The following AFF4 variants were observed in gnomAD, a reference collection of about 807,000 sequenced individuals.
AFF4 encodes the protein AF4/FMR2 family member 4.
AFF4 carries 13 observed loss-of-function variants against 124.8 expected under a neutral mutation model. That is an observed-to-expected ratio of 0.10 (90% CI 0.07 to 0.17). The LOEUF is 0.17. AFF4 is among the 10% of genes least tolerant of loss of function. The pLI is 1.00. For synonymous variants in AFF4, 477 were observed against 496.1 expected, an observed-to-expected ratio of 0.96 and a Z score of 0.51; for missense variants, 1,092 against 1,403.8, an observed-to-expected ratio of 0.78 and a Z score of 3.55.
Position 132,885,101 on chromosome 5 carries a change from G to T in AFF4, c.3118C>A (p.Gln1040Lys). ...CTTCCCAAGCCAGGCGATGGTGCTT[G>T]AGAATTATTATAAGAATTCTGTGGA... ...EHLKNSYNNS[Q>K]APSPGLGSKA... The change falls in exon 19 of 21, where the codon CAA becomes AAA. Residue 1040 changes from glutamine (Q) to lysine (K), a missense_variant. By Grantham distance (53) the Gln-to-Lys change is moderately conservative. Coordinates refer to ENST00000265343, the MANE Select transcript of AFF4 (RefSeq NM_014423.4). 6.3e-7 allele frequency: 1 copy of T among 1,596,002 alleles called. No individual in the cohort carries two copies. The highest frequency in any genetic ancestry group is 8.5e-7 in the Non-Finnish European group (1 of 1,172,316).
At chr5:132,942,006 CAAAA>C (rs781367169) in intron 1 of AFF4, among the ~76,000 whole-genome samples, 2 of 100,732 alleles carry the variant, frequency 2.0e-5, no homozygotes, top group Non-Finnish European at 2.1e-5. Context: ...GACTCCATCT[CAAAA>C]AAAAAAAAAA....
chr5:132,928,216 T>TAA (rs749306713), intron 4 of AFF4, among the ~76,000 whole-genome samples: 1 of 147,030 alleles, frequency 6.8e-6, no homozygotes. Flanking sequence ...TTTATATATT[T>TAA]AAAAAAAAAC....
intron 5 of AFF4, among the ~76,000 whole-genome samples, chr5:132,909,416 T>C (rs1361323645): frequency 6.6e-6 from 1 of 152,354 alleles, no homozygotes; most frequent in East Asian, 1.9e-4. Context: ...GTGCTGGGAT[T>C]ACAGGCATGA....
At chr5:132,932,255 TA>T in intron 3 of AFF4, 33 bp from the exon 4 acceptor site, 1 of 1,578,020 alleles carries the variant, frequency 6.3e-7, no homozygotes, top group South Asian at 1.2e-5. Flanking sequence ...ATTAGATTTT[TA>T]TCAGTAGATT....
At chr5:132,935,910 A>G (rs560110273) in intron 2 of AFF4, among the ~76,000 whole-genome samples, 1 of 151,956 alleles carries the variant, frequency 6.6e-6, no homozygotes, top group East Asian at 1.9e-4. Context: ...ACGAAAGAAC[A>G]AGATTCCTTC....
At chr5:132,959,801 G>A (rs1456682937) in intron 1 of AFF4, among the ~76,000 whole-genome samples, 1 of 111,768 alleles carries the variant, frequency 8.9e-6, no homozygotes, top group Non-Finnish European at 1.6e-5. Flanking sequence ...GTCTCGCTCT[G>A]TTGCCCAGGC....
At chr5:132,959,990 C>G (rs1478045751) in intron 1 of AFF4, among the ~76,000 whole-genome samples, 1 of 151,968 alleles carries the variant, frequency 6.6e-6, no homozygotes, top group Non-Finnish European at 1.5e-5. Flanking sequence ...CTCCTGACCT[C>G]GTGATCCGCC....
In AFF4 at chr5:132,875,767, T is replaced by C. The variant is rs958439213; in HGVS notation, c.*5292A>G. On this transcript the variant is annotated 3_prime_UTR_variant, in exon 21 of 21. Coordinates refer to ENST00000265343, the MANE Select transcript of AFF4 (RefSeq NM_014423.4). ...AAAGTACCTCTGAAATTGTAATGTA[T>C]TGCAACAAATAAAAATCACAGTATA... is the stretch of plus-strand genomic sequence containing the variant. 1.9e-5 allele frequency: 4 copies of C among 207,504 alleles called. No homozygotes were observed. The highest frequency in any genetic ancestry group is 1.8e-4 in the Admixed American group (3 of 16,884). The allele number at this position is 207,504 out of a possible 1,614,324, so 12.9% of individuals were successfully genotyped here. A position where few individuals can be genotyped will look rare whatever the true frequency, so the allele number is the denominator to read the frequency against.
intron 5 of AFF4, among the ~76,000 whole-genome samples, chr5:132,913,044 G>A (rs961869687): frequency 1.3e-5 from 2 of 152,062 alleles, no homozygotes; most frequent in African/African-American, 4.8e-5. Context: ...CTACCTACAA[G>A]AAATGCATTT....
chr5:132,893,245 T>A, intron 11 of AFF4, 127 bp from the exon 12 acceptor site: 1 of 764,220 alleles, frequency 1.3e-6, no homozygotes, highest in Non-Finnish European at 2.2e-6. Context: ...AGTACTATAA[T>A]TCATTTAAAT....
chr5:132,927,770 A>T (rs1052592401), intron 4 of AFF4, among the ~76,000 whole-genome samples: 1 of 152,224 alleles, frequency 6.6e-6, no homozygotes, highest in Admixed American at 6.5e-5. Context: ...CTGGCTATAG[A>T]GCCTATATAT....
intron 1 of AFF4, among the ~76,000 whole-genome samples, chr5:132,945,878 T>A (rs1261921643): frequency 1.3e-5 from 2 of 151,836 alleles, no homozygotes; most frequent in African/African-American, 4.8e-5. Context: ...CTGACCAACA[T>A]GGAAAAACCC....
intron 7 of AFF4, among the ~76,000 whole-genome samples, chr5:132,900,097 A>T (rs572657631): frequency 6.6e-6 from 1 of 152,258 alleles, no homozygotes; most frequent in Non-Finnish European, 1.5e-5. Context: ...AGAGGTTAGT[A>T]TAACTGTTGA....
intron 5 of AFF4, among the ~76,000 whole-genome samples, chr5:132,925,565 A>G (rs1463034118): frequency 1.3e-5 from 2 of 152,200 alleles, no homozygotes; most frequent in Non-Finnish European, 2.9e-5. Flanking sequence ...AACAACACAA[A>G]ACAAAAAAGG....
chr5:132,887,696 C>A, intron 16 of AFF4, 104 bp from the exon 17 acceptor site: 1 of 1,496,030 alleles, frequency 6.7e-7, no homozygotes, highest in Non-Finnish European at 9.2e-7. Flanking sequence ...TAAATAAAAG[C>A]AAAAATACTC....
Position 132,905,521 on chromosome 5 carries a change from A to C in AFF4, c.1051-1117T>G, listed in dbSNP as rs200346206. Among the ~76,000 whole-genome samples, 18 of 152,328 alleles carry C rather than the reference A, an allele frequency of 1.2e-4. No individual in the cohort carries two copies. The East Asian group carries it at 3.5e-3, about 29-fold the overall frequency. On this transcript the variant is annotated intron_variant, in intron 5 of 20. Coordinates refer to ENST00000265343, the MANE Select transcript of AFF4 (RefSeq NM_014423.4). ...AAAAACATTAAAAACCTATTTCTAC[A>C]CTCAACTGATTTTCCAAGAGGATGC... is the stretch of plus-strand genomic sequence containing the variant.
intron 5 of AFF4, among the ~76,000 whole-genome samples, chr5:132,917,745 C>T (rs1245366080): frequency 1.6e-5 from 2 of 121,338 alleles, no homozygotes; most frequent in African/African-American, 3.3e-5. Flanking sequence ...CAGAGACTCA[C>T]CTTGTCGCCC....
chr5:132,954,546 C>CTTTTTTTTTTT, intron 1 of AFF4, among the ~76,000 whole-genome samples: 1 of 122,130 alleles, frequency 8.2e-6, no homozygotes, highest in Non-Finnish European at 1.7e-5. Context: ...AAACAATGCT[C>CTTTTTTTTTTT]TTTTTTTTTT....
intron 5 of AFF4, among the ~76,000 whole-genome samples, chr5:132,917,707 T>TTTA (rs201918686): frequency 5.0e-5 from 2 of 39,692 alleles, no homozygotes; most frequent in African/African-American, 1.3e-4. Context: ...TTTCTTTTCT[T>TTTA]TTTTTTTTTT....
Sources: gnomAD v4.1 joint callset for allele counts (sites outside exome capture counted in the v4.1 genomes callset) on GRCh38, gnomAD v4.1.1 for gene constraint, MANE v1.5 for transcripts, NCBI Gene and HGNC (gene_info 2026-07-23, HGNC 2026-07-21) for gene names.